Variants in LANCL2 observed in about 807,000 individuals in gnomAD.
The protein encoded by LANCL2 is lanC-like protein 2.
In LANCL2, 33 loss-of-function variants were observed where a neutral mutation model predicts 56.9. That is an observed-to-expected ratio of 0.58 (90% CI 0.44 to 0.78). The LOEUF is 0.78. Ranked by LOEUF, LANCL2 falls within the 30% of genes least tolerant of loss-of-function variation. The pLI is 0.00. For synonymous variants in LANCL2, 233 were observed against 228.2 expected (o/e 1.02, Z -0.19); for missense variants, 562 against 580.2 (o/e 0.97, Z 0.32).
intron 1 of LANCL2, among the ~76,000 whole-genome samples, chr7:55,366,815 G>A (rs751038892): frequency 1.6e-4 from 24 of 152,198 alleles, no homozygotes; most frequent in Admixed American, 3.9e-4. Context: ...TGTTTTACGT[G>A]AAAAAGACAC....
rs1562863856 is a variant in LANCL2, at chr7:55,401,338, TACAC to T, written c.825+21_825+24del. On this transcript the variant is annotated intron_variant, in intron 5 of 8. Coordinates refer to ENST00000254770, the MANE Select transcript of LANCL2 (RefSeq NM_018697.4). ...TAATGCAGGTAGGTAAGAATACTCTTACACACTACAGTATATTTGATCAAACATG... is the reference window on the plus strand; with the variant it reads ...TAATGCAGGTAGGTAAGAATACTCTTACTACAGTATATTTGATCAAACATG... 3 of 1,600,562 alleles carry T rather than the reference TACAC, an allele frequency of 1.9e-6. No homozygotes were observed. The highest frequency in any genetic ancestry group is 1.7e-5 in the Admixed American group (1 of 59,882).
chr7:55,402,993 G>A (rs1207619990), intron 5 of LANCL2, among the ~76,000 whole-genome samples: 12 of 151,256 alleles, frequency 7.9e-5, no homozygotes, highest in South Asian at 2.1e-4. Flanking sequence ...CATCCCAGAC[G>A]ATGGGCGGCC....
chr7:55,396,794 G>A (rs1463636478), intron 2 of LANCL2, among the ~76,000 whole-genome samples: 1 of 152,134 alleles, frequency 6.6e-6, no homozygotes, highest in East Asian at 1.9e-4. Context: ...TAGGTTCATA[G>A]GTTAATCAGA....
intron 2 of LANCL2, among the ~76,000 whole-genome samples, chr7:55,395,094 C>T (rs1303374125): frequency 1.3e-5 from 2 of 152,216 alleles, no homozygotes; most frequent in Non-Finnish European, 2.9e-5. Context: ...CTGTTCTTCA[C>T]TTAGCAAGAG....
At chr7:55,416,680 T>G (rs911725249) in intron 6 of LANCL2, among the ~76,000 whole-genome samples, 14 of 152,306 alleles carry the variant, frequency 9.2e-5, no homozygotes, top group African/African-American at 2.6e-4. Context: ...TTAAAGTCCC[T>G]CTGTCAGATA....
Position 55,365,686 on chromosome 7 carries a change from G to C in LANCL2, c.-340G>C, listed in dbSNP as rs1024168050. The C allele has an allele frequency of 1.4e-5, 3 of 207,608 alleles. No homozygotes were observed. The highest frequency in any genetic ancestry group is 6.9e-5 in the African/African-American group (3 of 43,658). The allele number at this position is 207,608 out of a possible 1,614,324, so 12.9% of individuals were successfully genotyped here. A position where few individuals can be genotyped will look rare whatever the true frequency, so the allele number is the denominator to read the frequency against. Reference sequence around the variant, plus strand: ...CAGCCCCGGCCGTGCGCGTCGCCGCGGACGGGCTCTGCGGGCCACGGGGAA... The same window carrying C: ...CAGCCCCGGCCGTGCGCGTCGCCGCCGACGGGCTCTGCGGGCCACGGGGAA... On this transcript the variant is annotated 5_prime_UTR_variant, in exon 1 of 9. Transcript: ENST00000254770.
intron 6 of LANCL2, among the ~76,000 whole-genome samples, chr7:55,423,450 T>C (rs1214640464): frequency 6.6e-6 from 1 of 152,238 alleles, no homozygotes; most frequent in African/African-American, 2.4e-5. Flanking sequence ...GAACACAGCC[T>C]CTCAAACAAT....
intron 2 of LANCL2, among the ~76,000 whole-genome samples, chr7:55,396,563 C>T (rs1276456437): frequency 6.6e-6 from 1 of 152,246 alleles, no homozygotes; most frequent in Non-Finnish European, 1.5e-5. Flanking sequence ...AGTCCAAAGG[C>T]ACAGGCTGGC....
Position 55,431,237 on chromosome 7 carries a change from G to T in LANCL2, c.1270G>T (p.Ala424Ser). The T allele has an allele frequency of 6.2e-7, 1 of 1,612,576 alleles. No individual in the cohort carries two copies. Among genetic ancestry groups the T allele is most frequent in the Non-Finnish European group, 8.5e-7 (1 of 1,179,262 alleles). Residue 424 changes from alanine (A) to serine (S), a missense_variant, in exon 9 of 9, where the codon GCT becomes TCT. This residue lies in a region of LANCL2 where 378 missense variants were observed against 468.4 expected (regional missense o/e 0.81). Coordinates refer to ENST00000254770, the MANE Select transcript of LANCL2 (RefSeq NM_018697.4). ...ATTTTACATTGCAGGCATGGCTGGC[G>T]CTATTCACTTTCTCTCTGATGTCCT... ...PYSLFEGMAG[A>S]IHFLSDVLGP... is the part of the protein sequence containing the mutation.
intron 2 of LANCL2, among the ~76,000 whole-genome samples, chr7:55,397,507 G>A (rs1790268518): frequency 7.7e-6 from 1 of 129,334 alleles, no homozygotes; most frequent in Non-Finnish European, 1.7e-5. Flanking sequence ...TAAAAGCAGA[G>A]TAGGATATTA....
intron 1 of LANCL2, among the ~76,000 whole-genome samples, chr7:55,381,761 A>G (rs1459399925): frequency 3.3e-5 from 5 of 152,242 alleles, no homozygotes; most frequent in African/African-American, 1.2e-4. Context: ...CCAGGGAATG[A>G]GTGTATCTCA....
rs754664878 is a variant in LANCL2, at chr7:55,366,013, T to C, written c.-13T>C. On this transcript the variant is annotated 5_prime_UTR_variant, in exon 1 of 9. Coordinates refer to ENST00000254770, the MANE Select transcript of LANCL2 (RefSeq NM_018697.4). ...GAGGTTTGTCCCCGCCCGCGCGCCG[T>C]ACCGCGGCGGAGATGGGCGAGACCA... The C allele has an allele frequency of 2.1e-6, 3 of 1,430,926 alleles. No individual in the cohort carries two copies. The highest frequency in any genetic ancestry group is 2.8e-6 in the Non-Finnish European group (3 of 1,086,118). 88.6% of individuals were successfully genotyped at this position (1,430,926 alleles called of 1,614,324 possible). A position where few individuals can be genotyped will look rare whatever the true frequency, so the allele number is the denominator to read the frequency against.
intron 4 of LANCL2, 34 bp from the exon 5 acceptor site, chr7:55,401,140 G>A (rs201420829): frequency 7.2e-5 from 115 of 1,600,758 alleles, no homozygotes; most frequent in Middle Eastern, 1.7e-4. Context: ...TACATATACA[G>A]TTTTAGATTT....
intron 2 of LANCL2, among the ~76,000 whole-genome samples, chr7:55,398,155 A>G (rs1380029953): frequency 1.3e-5 from 2 of 152,204 alleles, no homozygotes; most frequent in East Asian, 3.8e-4. Flanking sequence ...TTGTCTGTGA[A>G]TAAGAGGTAT....
At chr7:55,431,146 G>C in intron 8 of LANCL2, 80 bp from the exon 9 acceptor site, 1 of 1,001,262 alleles carries the variant, frequency 1.0e-6, no homozygotes, top group Non-Finnish European at 1.4e-6. Context: ...GCAGCCCCTG[G>C]TAAGGGAAAT....
At chr7:55,382,420 T>C (rs962011810) in intron 1 of LANCL2, among the ~76,000 whole-genome samples, 15 of 152,182 alleles carry the variant, frequency 9.9e-5, no homozygotes, top group African/African-American at 3.6e-4. Context: ...GAGTTCTGCT[T>C]GCCCGCTGCC....
At chr7:55,403,390 G>A (rs1228929899) in intron 5 of LANCL2, among the ~76,000 whole-genome samples, 1 of 152,098 alleles carries the variant, frequency 6.6e-6, no homozygotes, top group Non-Finnish European at 1.5e-5. Flanking sequence ...CGAGATGGCA[G>A]CAGTACAGTC....
intron 8 of LANCL2, among the ~76,000 whole-genome samples, chr7:55,429,699 A>C (rs1790707003): frequency 6.6e-6 from 1 of 152,274 alleles, no homozygotes; most frequent in South Asian, 2.1e-4. Context: ...ATGCATTTGC[A>C]TCAGATATAA....
chr7:55,408,064 C>T (rs1168455249), intron 5 of LANCL2, among the ~76,000 whole-genome samples: 1 of 151,950 alleles, frequency 6.6e-6, no homozygotes, highest in African/African-American at 2.4e-5. Flanking sequence ...AAGAAAGCTT[C>T]GAATAAATAA....
Sources: allele counts gnomAD v4.1 joint callset (sites outside exome capture counted in the v4.1 genomes callset), GRCh38; gene constraint gnomAD v4.1.1; regional missense constraint gnomAD v4.1.1; transcripts MANE v1.5; gene names NCBI Gene and HGNC (gene_info 2026-07-23, HGNC 2026-07-21).